TMEM167A: variants seen among roughly 807,000 people sequenced by gnomAD.
TMEM167A encodes the protein transmembrane protein 167A, also known as protein kish-A.
Under a neutral mutation model 11.6 loss-of-function variants are expected in TMEM167A, and 8 were observed. The ratio of observed to expected loss-of-function variants is 0.69; its 90% confidence interval spans 0.40 to 1.24. The LOEUF (loss-of-function observed/expected upper bound fraction) is 1.24. Among genes scored for constraint, TMEM167A ranks in the 50% most tolerant of loss-of-function variants. The pLI, the probability that TMEM167A is intolerant of heterozygous loss-of-function variation, is 0.01. For missense variants in TMEM167A, 62 were observed against 87.0 expected, an observed-to-expected ratio of 0.71 and a Z score of 1.14; for synonymous variants, 22 against 28.0, an observed-to-expected ratio of 0.79 and a Z score of 0.67.
chr5:83,056,088 G>C lies in TMEM167A; in HGVS notation c.*996C>G, dbSNP rs1200460576. 3 of 151,952 alleles carry C rather than the reference G, an allele frequency of 2.0e-5. No homozygotes were observed. The highest frequency in any genetic ancestry group is 4.4e-5 in the Non-Finnish European group (3 of 67,916). 9.4% of individuals were successfully genotyped at this position (151,952 alleles called of 1,614,324 possible). On this transcript the variant is annotated 3_prime_UTR_variant, in exon 4 of 4. Transcript: ENST00000502346. Reference sequence around the variant, plus strand: ...TCTCCTTTCACTATCAAAGTTCAAAGATACTTGTGCCACAGTATACAAATC... The same window carrying C: ...TCTCCTTTCACTATCAAAGTTCAAACATACTTGTGCCACAGTATACAAATC...
intron 1 of TMEM167A, among the ~76,000 whole-genome samples, chr5:83,067,344 CTA>C (rs1282101281): frequency 1.3e-5 from 2 of 152,036 alleles, no homozygotes; most frequent in African/African-American, 4.8e-5. Context: ...AATTAAAAAA[CTA>C]TATACATTAT....
rs1275522555 is a variant in TMEM167A, at chr5:83,053,799, C to G, written c.*3285G>C. The G allele has an allele frequency of 2.0e-5, 3 of 152,066 alleles. No individual in the cohort carries two copies. Among genetic ancestry groups the G allele is most frequent in the South Asian group, 2.1e-4 (1 of 4,834 alleles). The allele number at this position is 152,066 out of a possible 1,614,324, so 9.4% of individuals were successfully genotyped here. A position where few individuals can be genotyped will look rare whatever the true frequency, so the allele number is the denominator to read the frequency against. On this transcript the variant is annotated 3_prime_UTR_variant, in exon 4 of 4. Coordinates refer to ENST00000502346, the MANE Select transcript of TMEM167A (RefSeq NM_174909.5). Reference sequence around the variant, plus strand: ...GCTCCTCTGGAAGTTCACACCCTAACTGAACTGTCACTCTTCTTTATTTTC... The same window carrying G: ...GCTCCTCTGGAAGTTCACACCCTAAGTGAACTGTCACTCTTCTTTATTTTC...
chr5:83,057,994 C>T (rs1412690421), intron 3 of TMEM167A, among the ~76,000 whole-genome samples: 2 of 152,010 alleles, frequency 1.3e-5, no homozygotes, highest in Admixed American at 6.6e-5. Flanking sequence ...GCCATGAGGG[C>T]GGTATAAGAA....
intron 1 of TMEM167A, among the ~76,000 whole-genome samples, chr5:83,066,085 A>G (rs1744477084): frequency 6.6e-6 from 1 of 152,198 alleles, no homozygotes; most frequent in South Asian, 2.1e-4. Context: ...TCCAGCACCA[A>G]TCATATGCCT....
At position 83,056,224 on chromosome 5, in the gene TMEM167A, T is replaced by C. The variant is rs1266986104; in HGVS notation, c.*860A>G. 2 of 151,922 alleles carry C rather than the reference T, an allele frequency of 1.3e-5. No individual in the cohort carries two copies. Among genetic ancestry groups the C allele is most frequent in the African/African-American group, 4.8e-5 (2 of 41,398 alleles). The allele number at this position is 151,922 out of a possible 1,614,324, so 9.4% of individuals were successfully genotyped here. On this transcript the variant is annotated 3_prime_UTR_variant, in exon 4 of 4. Coordinates refer to ENST00000502346, the MANE Select transcript of TMEM167A (RefSeq NM_174909.5). ...GCTGTGTTAAAAAACAAAACAAAAA[T>C]ACAGTTCCTTTACGGCAATTAAAAT...
In TMEM167A at chr5:83,053,757, A is replaced by G. The variant is rs1434391562; in HGVS notation, c.*3327T>C. On this transcript the variant is annotated 3_prime_UTR_variant, in exon 4 of 4. Transcript: ENST00000502346. ...ACTGTGCTTTTGCACAATGCTCTCA[A>G]GTTCAGCTTAAGCAGTGCTCCTCTG... 2.6e-5 allele frequency: 4 copies of G among 152,076 alleles called. No individual in the cohort carries two copies. Among genetic ancestry groups the G allele is most frequent in the African/African-American group, 9.7e-5 (4 of 41,430 alleles). The allele number at this position is 152,076 out of a possible 1,614,324, so 9.4% of individuals were successfully genotyped here. A position where few individuals can be genotyped will look rare whatever the true frequency, so the allele number is the denominator to read the frequency against.
intron 1 of TMEM167A, among the ~76,000 whole-genome samples, chr5:83,065,981 C>T (rs1203581979): frequency 6.6e-6 from 1 of 152,014 alleles, no homozygotes; most frequent in African/African-American, 2.4e-5. Flanking sequence ...TTATGTAGAA[C>T]TCTCTTTTCT....
In TMEM167A at chr5:83,054,122, T is replaced by C. The variant is rs1744295590; in HGVS notation, c.*2962A>G. On this transcript the variant is annotated 3_prime_UTR_variant, in exon 4 of 4. Coordinates refer to ENST00000502346, the MANE Select transcript of TMEM167A (RefSeq NM_174909.5). ...GTCCTAACTAGACTGATCATCTTAT[T>C]ACTAAGATGAAGGAATCTATTGCAA... The C allele has an allele frequency of 6.6e-6, 1 of 152,028 alleles. No individual in the cohort carries two copies. Among genetic ancestry groups the C allele is most frequent in the South Asian group, 2.1e-4 (1 of 4,830 alleles). 9.4% of individuals were successfully genotyped at this position (152,028 alleles called of 1,614,324 possible). A position where few individuals can be genotyped will look rare whatever the true frequency, so the allele number is the denominator to read the frequency against.
intron 2 of TMEM167A, among the ~76,000 whole-genome samples, chr5:83,063,622 C>G (rs61307571): frequency 6.6e-6 from 1 of 152,002 alleles, no homozygotes; most frequent in South Asian, 2.1e-4. Flanking sequence ...AACTCAGAGA[C>G]TTAGCAGCAC....
chr5:83,074,290 C>T (rs1448478603), intron 1 of TMEM167A, among the ~76,000 whole-genome samples: 1 of 152,172 alleles, frequency 6.6e-6, no homozygotes, highest in African/African-American at 2.4e-5. Flanking sequence ...AGATTGCTGT[C>T]CCACCTCTAG....
intron 1 of TMEM167A, among the ~76,000 whole-genome samples, chr5:83,066,563 A>T (rs9885046): frequency 0.11 from 16,977 of 152,218 alleles, 1,512 homozygotes; most frequent in African/African-American, 0.25. Context: ...AAGCTTAACA[A>T]GAAATGTGCA....
In TMEM167A at chr5:83,065,074, A is replaced by G. The variant is rs1355502236; in HGVS notation, c.47T>C (p.Leu16Pro). The G allele has an allele frequency of 5.6e-6, 9 of 1,606,804 alleles. No individual in the cohort carries two copies. Among genetic ancestry groups the G allele is most frequent in the Non-Finnish European group, 7.6e-6 (9 of 1,178,032 alleles). ...AATATAAGCACAGGTACATATAAGC[A>G]GCAAGATTACAGTCAATAGACTCTG... ...NFQSLLTVILLLICTCAYIRS... is the reference protein window; with the variant it reads ...NFQSLLTVILPLICTCAYIRS... The change falls in exon 2 of 4, where the codon CTG (leucine) becomes CCG (proline). Residue 16 changes from leucine to proline, a missense_variant. Physicochemically the swap from Leu to Pro is moderately conservative, Grantham distance 98. Coordinates refer to ENST00000502346, the MANE Select transcript of TMEM167A (RefSeq NM_174909.5).
rs1267275681 is a variant in TMEM167A, at chr5:83,077,329, G to A, written c.-6C>T. On this transcript the variant is annotated 5_prime_UTR_variant, in exon 1 of 4. Transcript: ENST00000502346. ...GGAGCCCCACTTCTTACCATAGCGA[G>A]GCCGGCGATGCCGCAGCCACATCAC... is the stretch of plus-strand genomic sequence containing the variant. 4 of 1,614,082 alleles carry A rather than the reference G, an allele frequency of 2.5e-6. No individual in the cohort carries two copies. Among genetic ancestry groups the A allele is most frequent in the Admixed American group, 1.7e-5 (1 of 60,010 alleles).
At position 83,056,999 on chromosome 5, in the gene TMEM167A, T is replaced by G; in HGVS notation, c.*85A>C. 1.6e-6 allele frequency: 2 copies of G among 1,222,826 alleles called. No homozygotes were observed. The highest frequency in any genetic ancestry group is 2.4e-5 in the South Asian group (2 of 82,328). 75.7% of individuals were successfully genotyped at this position (1,222,826 alleles called of 1,614,324 possible). On this transcript the variant is annotated 3_prime_UTR_variant, in exon 4 of 4. Coordinates refer to ENST00000502346, the MANE Select transcript of TMEM167A (RefSeq NM_174909.5). ...CATTCAATGTTCGGAGATAAAAGAG[T>G]TAAACATCCTTTCCATTATTTTCTG...
At chr5:83,068,128 T>C (rs1744510334) in intron 1 of TMEM167A, among the ~76,000 whole-genome samples, 1 of 73,688 alleles carries the variant, frequency 1.4e-5, no homozygotes, top group Non-Finnish European at 4.4e-5. Flanking sequence ...TTTGAATATG[T>C]ATGTGAATAT....
chr5:83,071,880 A>T (rs1379584095), intron 1 of TMEM167A, among the ~76,000 whole-genome samples: 3 of 152,258 alleles, frequency 2.0e-5, no homozygotes, highest in South Asian at 4.1e-4. Flanking sequence ...TAAAAATTTG[A>T]CCTTAGGTGA....
At chr5:83,064,831 A>AT (rs1162740416) in intron 2 of TMEM167A, among the ~76,000 whole-genome samples, 177 bp downstream of exon 2, 2 of 152,138 alleles carry the variant, frequency 1.3e-5, no homozygotes, top group Non-Finnish European at 2.9e-5. Context: ...TTACCTTTTA[A>AT]TTTAGTAAGA....
At chr5:83,067,507 T>C (rs1194643518) in intron 1 of TMEM167A, among the ~76,000 whole-genome samples, 1 of 152,018 alleles carries the variant, frequency 6.6e-6, no homozygotes, top group African/African-American at 2.4e-5. Context: ...TGGATAGTTT[T>C]TTGGTGGGGG....
chr5:83,076,843 G>C (rs555108301), intron 1 of TMEM167A, among the ~76,000 whole-genome samples: 1 of 152,188 alleles, frequency 6.6e-6, no homozygotes, highest in Non-Finnish European at 1.5e-5. Flanking sequence ...AAAGTTAAGA[G>C]AAGAAGGTGG....
Sources: gnomAD v4.1 joint callset for allele counts (sites outside exome capture counted in the v4.1 genomes callset) on GRCh38, gnomAD v4.1.1 for gene constraint, MANE v1.5 for transcripts, NCBI Gene and HGNC (gene_info 2026-07-23, HGNC 2026-07-21) for gene names.